PRKD1: variants seen among roughly 807,000 people sequenced by gnomAD.
PRKD1 encodes protein kinase D1.
In PRKD1, 63 loss-of-function variants were observed where a neutral mutation model predicts 95.9. That is an observed-to-expected ratio of 0.66 (90% CI 0.54 to 0.81). PRKD1 has a LOEUF of 0.81. Ranked by LOEUF, PRKD1 falls within the 30% of genes least tolerant of loss-of-function variation. PRKD1 has a pLI of 0.00. For synonymous variants in PRKD1, 425 were observed against 423.1 expected, an observed-to-expected ratio of 1.00 and a Z score of -0.05; for missense variants, 1,048 against 1,165.3, an observed-to-expected ratio of 0.90 and a Z score of 1.47.
chr14:29,653,629 C>A (rs891507927), intron 4 of PRKD1, among the ~76,000 whole-genome samples: 2 of 152,018 alleles, frequency 1.3e-5, no homozygotes, highest in Admixed American at 6.6e-5. Context: ...TATCTTTAAT[C>A]TGGCCATGTT....
At chr14:29,740,549 AG>A (rs1022309173) in intron 1 of PRKD1, among the ~76,000 whole-genome samples, 1 of 152,200 alleles carries the variant, frequency 6.6e-6, no homozygotes, top group African/African-American at 2.4e-5. Context: ...TCTCTTAGAA[AG>A]GAAAGACAGA....
Position 29,599,014 on chromosome 14 carries a change from C to G in PRKD1, c.2166+13G>C, listed in dbSNP as rs1354192238. ...CCAACTGGCTTTTTGCTGAGAGAGG[C>G]TTTTATACTTGCCTGAGGAAAAGGA... On this transcript the variant is annotated intron_variant, in intron 15 of 17. Coordinates refer to ENST00000331968, the MANE Select transcript of PRKD1 (RefSeq NM_002742.3). The G allele has an allele frequency of 6.2e-7, 1 of 1,604,270 alleles. No individual in the cohort carries two copies. The highest frequency in any genetic ancestry group is 8.5e-7 in the Non-Finnish European group (1 of 1,171,390).
intron 1 of PRKD1, among the ~76,000 whole-genome samples, chr14:29,893,331 G>C (rs1442284481): frequency 6.6e-6 from 1 of 151,496 alleles, no homozygotes; most frequent in Non-Finnish European, 1.5e-5. Context: ...AATAACCAAA[G>C]TTATTCTTTC....
rs555794718 is a variant in PRKD1 at position 29,595,246 on chromosome 14, C to T, written c.2434+2245G>A. Among the ~76,000 whole-genome samples, 18 of 152,166 alleles carry T rather than the reference C, an allele frequency of 1.2e-4. No homozygotes were observed. In the South Asian group the frequency reaches 2.9e-3, roughly 25 times the overall value. On this transcript the variant is annotated intron_variant, in intron 16 of 17. Transcript: ENST00000331968. ...CCTTTTGAATTATCCTGTATAATTCCCTCTTGCTAAAATGCTATGTCTCTT... is the reference window on the plus strand; with the variant it reads ...CCTTTTGAATTATCCTGTATAATTCTCTCTTGCTAAAATGCTATGTCTCTT...
intron 13 of PRKD1, among the ~76,000 whole-genome samples, chr14:29,612,959 T>G (rs1376397597): frequency 6.6e-6 from 1 of 152,074 alleles, no homozygotes; most frequent in African/African-American, 2.4e-5. Flanking sequence ...TTAGCCGGGC[T>G]TGCTGGTGGG....
intron 1 of PRKD1, among the ~76,000 whole-genome samples, chr14:29,734,028 CTTTTTTTTTTTTTTT>C (rs58908662): frequency 4.6e-5 from 3 of 64,670 alleles, no homozygotes; most frequent in African/African-American, 2.4e-4. Flanking sequence ...ACTTTCCTGC[CTTTTTTTTTTTTTTT>C]TTTTTTTTTT....
At chr14:29,924,075 C>T (rs944286107) in intron 1 of PRKD1, among the ~76,000 whole-genome samples, 1 of 152,024 alleles carries the variant, frequency 6.6e-6, no homozygotes, top group Non-Finnish European at 1.5e-5. Context: ...TTATATACAA[C>T]CAGGCTTCAA....
intron 1 of PRKD1, among the ~76,000 whole-genome samples, chr14:29,873,814 A>G (rs986310530): frequency 6.6e-6 from 1 of 151,614 alleles, no homozygotes; most frequent in Non-Finnish European, 1.5e-5. Context: ...ATAGTTGTAT[A>G]TAATATATAA....
At chr14:29,877,299 C>A (rs1345251327) in intron 1 of PRKD1, among the ~76,000 whole-genome samples, 2 of 152,164 alleles carry the variant, frequency 1.3e-5, no homozygotes, top group Admixed American at 6.5e-5. Flanking sequence ...TTGGCAGTTT[C>A]TCAAAGAGTT....
At chr14:29,588,653 G>C (rs761462126) in intron 16 of PRKD1, among the ~76,000 whole-genome samples, 10 of 152,162 alleles carry the variant, frequency 6.6e-5, no homozygotes, top group Non-Finnish European at 1.3e-4. Flanking sequence ...GGGCACACAA[G>C]TGGAAGAAAC....
At chr14:29,848,569 T>C (rs1328100630) in intron 1 of PRKD1, among the ~76,000 whole-genome samples, 3 of 147,320 alleles carry the variant, frequency 2.0e-5, no homozygotes, top group Non-Finnish European at 4.5e-5. Context: ...TTTTAAAAAG[T>C]ATAAGGAAAA....
At chr14:29,868,687 T>G in intron 1 of PRKD1, among the ~76,000 whole-genome samples, 1 of 152,174 alleles carries the variant, frequency 6.6e-6, no homozygotes, top group Non-Finnish European at 1.5e-5. Flanking sequence ...TGGAGTAAAG[T>G]GCAGCTTTTC....
chr14:29,889,689 C>T lies in PRKD1; in HGVS notation c.264+37560G>A, dbSNP rs533312156. Among the ~76,000 whole-genome samples, 8 of 152,194 alleles carry T rather than the reference C, an allele frequency of 5.3e-5. No individual in the cohort carries two copies. The East Asian group carries it at 5.8e-4, about 11-fold the overall frequency. ...TCACTCATAAGTGGGAGCTGAACAA[C>T]GAGAACACATGAACACAGGGAGGGG... On this transcript the variant is annotated intron_variant, in intron 1 of 17. Coordinates refer to ENST00000331968, the MANE Select transcript of PRKD1 (RefSeq NM_002742.3).
At position 29,706,587 on chromosome 14, in the gene PRKD1, C is replaced by T. The variant is rs111419843; in HGVS notation, c.403+18949G>A. Among the ~76,000 whole-genome samples the T allele has an allele frequency of 1.5e-4, 23 of 152,222 alleles. 1 individual carries two copies. Among genetic ancestry groups the T allele is most frequent in the African/African-American group, 5.5e-4 (23 of 41,548 alleles). ...ATATTCAAAAATAATTATTTAGCAA[C>T]ACTCATTGCCAGATGTTGCACAAGG... On this transcript the variant is annotated intron_variant, in intron 2 of 17. Coordinates refer to ENST00000331968, the MANE Select transcript of PRKD1 (RefSeq NM_002742.3).
intron 16 of PRKD1, among the ~76,000 whole-genome samples, chr14:29,579,620 A>G (rs17114974): frequency 0.021 from 3,142 of 152,248 alleles, 108 homozygotes; most frequent in African/African-American, 0.072. Context: ...GCTTCCTTCA[A>G]TCAGAATCCT....
At chr14:29,825,644 TTTAGTCCTCTTAG>T (rs1189699718) in intron 1 of PRKD1, among the ~76,000 whole-genome samples, 1 of 152,124 alleles carries the variant, frequency 6.6e-6, no homozygotes, top group East Asian at 1.9e-4. Context: ...TCAACTGCAT[TTTAGTCCTCTTAG>T]TTAGAATTGA....
At position 29,754,085 on chromosome 14, in the gene PRKD1, T is replaced by C. The variant is rs186260835; in HGVS notation, c.265-28411A>G. ...CTAAATACAAAACTCTTTGCCAACA[T>C]TGGCTATTACCCAACTTTTCCAACT... On this transcript the variant is annotated intron_variant, in intron 1 of 17. Transcript: ENST00000331968. Among the ~76,000 whole-genome samples, 17 of 152,318 alleles carry C rather than the reference T, an allele frequency of 1.1e-4. No individual in the cohort carries two copies. In the East Asian group the frequency reaches 2.7e-3, roughly 24 times the overall value.
intron 1 of PRKD1, among the ~76,000 whole-genome samples, chr14:29,916,333 C>A (rs187864293): frequency 6.6e-6 from 1 of 152,178 alleles, no homozygotes; most frequent in Non-Finnish European, 1.5e-5. Context: ...TCTAGCGTGG[C>A]CATTTCTTCT....
chr14:29,781,864 A>G (rs1407675485), intron 1 of PRKD1, among the ~76,000 whole-genome samples: 2 of 152,232 alleles, frequency 1.3e-5, no homozygotes, highest in Admixed American at 1.3e-4. Context: ...CGGAGACAAC[A>G]GTATCATTTG....
Sources: allele counts gnomAD v4.1 joint callset (sites outside exome capture counted in the v4.1 genomes callset), GRCh38; gene constraint gnomAD v4.1.1; transcripts MANE v1.5; gene names NCBI Gene and HGNC (gene_info 2026-07-23, HGNC 2026-07-21).